The following FBLN5 variants were observed in gnomAD, a reference collection of about 807,000 sequenced individuals.
FBLN5 encodes the protein fibulin-5.
A neutral mutation model predicts 61.6 loss-of-function variants in FBLN5; 24 were observed. The ratio of observed to expected loss-of-function variants is 0.39; its 90% CI spans 0.28 to 0.55. FBLN5 has a LOEUF of 0.55. Among genes scored for constraint, FBLN5 ranks in the 20% least tolerant of loss-of-function variants. FBLN5 has a pLI of 0.65. For synonymous variants in FBLN5, 213 were observed against 219.8 expected, an observed-to-expected ratio of 0.97 and a Z score of 0.27; for missense variants, 470 against 594.1, an observed-to-expected ratio of 0.79 and a Z score of 2.17.
At chr14:91,934,589 T>A (rs978887353) in intron 4 of FBLN5, among the ~76,000 whole-genome samples, 6 of 152,170 alleles carry the variant, frequency 3.9e-5, no homozygotes, top group Non-Finnish European at 7.4e-5. Context: ...AGATGTTTCC[T>A]CCTCTCCTAG....
intron 6 of FBLN5, among the ~76,000 whole-genome samples, chr14:91,890,326 T>C (rs1889932905): frequency 1.3e-5 from 2 of 152,202 alleles, no homozygotes; most frequent in South Asian, 4.1e-4. Context: ...CAGCCAGAAC[T>C]CCAAGGGTGA....
chr14:91,922,224 C>T (rs569344501), intron 4 of FBLN5, among the ~76,000 whole-genome samples: 4 of 151,476 alleles, frequency 2.6e-5, no homozygotes, highest in Non-Finnish European at 4.4e-5. Context: ...ACCCAGGAGG[C>T]GGAAATTGCA....
Position 91,870,392 on chromosome 14 carries a change from A to G in FBLN5, c.1186-7T>C. The G allele has an allele frequency of 6.2e-7, 1 of 1,613,332 alleles. No individual in the cohort carries two copies. Among genetic ancestry groups the G allele is most frequent in the South Asian group, 1.1e-5 (1 of 91,044 alleles). On this transcript the variant is annotated splice_region_variant and splice_polypyrimidine_tract_variant and intron_variant, in intron 10 of 10. Transcript: ENST00000342058. ...CACTGATGGGGCCCGTTTGCTATGG[A>G]CAGAACCGGGGAACACCAGTGAGAA...
At position 91,947,084 on chromosome 14, in the gene FBLN5, T is replaced by A; in HGVS notation, c.17+129A>T. On this transcript the variant is annotated intron_variant, in intron 1 of 10. Transcript: ENST00000342058. The surrounding 1 kb of genome is among the most constrained non-coding windows in gnomAD (Gnocchi z 4.3). ...TTTTATAATTAACAATATCATTGCA[T>A]CACTAGCTCATGCCTTTTCCAATAT... The A allele has an allele frequency of 6.5e-7, 1 of 1,541,664 alleles. No homozygotes were observed. Among genetic ancestry groups the A allele is most frequent in the Non-Finnish European group, 8.8e-7 (1 of 1,132,380 alleles).
chr14:91,873,123 T>C (rs1156445586), intron 10 of FBLN5, among the ~76,000 whole-genome samples: 1 of 152,114 alleles, frequency 6.6e-6, no homozygotes, highest in Non-Finnish European at 1.5e-5. Flanking sequence ...CACAAGCACC[T>C]GGAAGAGCTC....
chr14:91,872,139 T>C (rs1888966927), intron 10 of FBLN5, among the ~76,000 whole-genome samples: 1 of 152,168 alleles, frequency 6.6e-6, no homozygotes, highest in South Asian at 2.1e-4. Context: ...CTTCCCCGTT[T>C]TATAAGTAAG....
chr14:91,881,739 GC>G (rs1889483415), intron 8 of FBLN5, among the ~76,000 whole-genome samples: 1 of 151,710 alleles, frequency 6.6e-6, no homozygotes, highest in Non-Finnish European at 1.5e-5. Flanking sequence ...ACCGGCCTGG[GC>G]AACAAAGCAA....
chr14:91,929,683 A>G (rs1413989387), intron 4 of FBLN5, among the ~76,000 whole-genome samples: 3 of 151,718 alleles, frequency 2.0e-5, no homozygotes, highest in African/African-American at 7.3e-5. Context: ...AATTCAAACA[A>G]TATACAAATT....
chr14:91,883,555 C>A (rs1361208020), intron 7 of FBLN5, among the ~76,000 whole-genome samples: 1 of 149,522 alleles, frequency 6.7e-6, no homozygotes, highest in African/African-American at 2.5e-5. Context: ...ACCTCTTTCC[C>A]CAACTTCAGG....
intron 7 of FBLN5, among the ~76,000 whole-genome samples, chr14:91,886,030 T>C (rs1252436676): frequency 6.6e-6 from 1 of 152,348 alleles, no homozygotes; most frequent in East Asian, 1.9e-4. Flanking sequence ...ATCTGTTTCA[T>C]GGGACGCTGT....
At chr14:91,932,624 T>C (rs1269937592) in intron 4 of FBLN5, among the ~76,000 whole-genome samples, 2 of 152,228 alleles carry the variant, frequency 1.3e-5, no homozygotes, top group Non-Finnish European at 2.9e-5. Context: ...AGATCAAAGA[T>C]GCTACCTGCA....
chr14:91,896,367 ACCTT>A (rs1397479345), intron 4 of FBLN5, among the ~76,000 whole-genome samples: 1 of 152,126 alleles, frequency 6.6e-6, no homozygotes, highest in East Asian at 1.9e-4. Flanking sequence ...CTTCACCTGC[ACCTT>A]GGTGGGTCAC....
intron 6 of FBLN5, among the ~76,000 whole-genome samples, chr14:91,890,534 C>T (rs1428482273): frequency 6.6e-6 from 1 of 152,228 alleles, no homozygotes; most frequent in African/African-American, 2.4e-5. Flanking sequence ...CTTAAGTCCC[C>T]CATTCACTTC....
intron 4 of FBLN5, among the ~76,000 whole-genome samples, chr14:91,895,627 C>T (rs548905353): frequency 3.3e-5 from 5 of 151,414 alleles, no homozygotes; most frequent in East Asian, 3.9e-4. Flanking sequence ...GGTGAAACCC[C>T]GTCTCTACTA....
At chr14:91,912,940 C>T (rs1408391563) in intron 4 of FBLN5, among the ~76,000 whole-genome samples, 1 of 152,152 alleles carries the variant, frequency 6.6e-6, no homozygotes, top group East Asian at 1.9e-4. Flanking sequence ...GCTGTTCACT[C>T]ATCCATCCAT....
Position 91,947,285 on chromosome 14 carries a change from C to T in FBLN5, c.-56G>A. The T allele has an allele frequency of 1.2e-6, 2 of 1,611,990 alleles. No individual in the cohort carries two copies. Among genetic ancestry groups the T allele is most frequent in the South Asian group, 1.1e-5 (1 of 91,004 alleles). ...GCGAGAAGAAAGCTCGCGGGCGGGA[C>T]CCCCGGAGGAGCTCGGGCACGTCGG... On this transcript the variant is annotated 5_prime_UTR_variant, in exon 1 of 11. Coordinates refer to ENST00000342058, the MANE Select transcript of FBLN5 (RefSeq NM_006329.4). This position sits in a 1 kb window ranked among gnomAD's most constrained non-coding sequence, Gnocchi z 4.3.
At position 91,877,620 on chromosome 14, in the gene FBLN5, C is replaced by T. The variant is rs746771323; in HGVS notation, c.1052G>A (p.Arg351Gln). Reference protein sequence around the residue: ...CRDQPFTILYRDMDVVSGRSV... With the variant: ...CRDQPFTILYQDMDVVSGRSV... ...GCGTCCTGACACCACGTCCATGTCC[C>T]GGTACAAGATGGTAAAGGGCTGGTC... Residue 351 changes from arginine (R) to glutamine (Q), a missense_variant, in exon 10 of 11, where the codon CGG becomes CAG. Transcript: ENST00000342058. 8.7e-6 allele frequency: 14 copies of T among 1,614,028 alleles called. No individual in the cohort carries two copies. Among genetic ancestry groups the T allele is most frequent in the South Asian group, 2.2e-5 (2 of 91,064 alleles).
At chr14:91,894,872 G>A in intron 5 of FBLN5, 78 bp downstream of exon 5, 2 of 1,092,030 alleles carry the variant, frequency 1.8e-6, no homozygotes, top group Non-Finnish European at 1.3e-6. Flanking sequence ...CAGGCAGCCA[G>A]CTATGCCCAT....
At chr14:91,940,530 C>T in intron 3 of FBLN5, 35 bp downstream of exon 3, 6 of 1,567,742 alleles carry the variant, frequency 3.8e-6, no homozygotes, top group Non-Finnish European at 5.3e-6. Context: ...GGCTGAATGC[C>T]TCCACCCCAA....
Sources: gnomAD v4.1 joint callset for allele counts (sites outside exome capture counted in the v4.1 genomes callset) on GRCh38, gnomAD v4.1.1 for gene constraint, Gnocchi (gnomAD v3.1) non-coding constraint, MANE v1.5 for transcripts, NCBI Gene and HGNC (gene_info 2026-07-23, HGNC 2026-07-21) for gene names.